The following CACHD1 variants were observed in gnomAD, a reference collection of about 807,000 sequenced individuals.
CACHD1 encodes VWFA and cache domain-containing protein 1.
A neutral mutation model predicts 138.7 loss-of-function variants in CACHD1; 71 were observed. The ratio of observed to expected loss-of-function variants is 0.51; its 90% CI spans 0.42 to 0.62. The LOEUF (loss-of-function observed/expected upper bound fraction) is 0.62. Ranked by LOEUF, CACHD1 falls within the 20% of genes least tolerant of loss-of-function variation. The probability of loss-of-function intolerance (pLI) is 0.00; values close to 1 mark genes in which losing one functional copy is unlikely to be tolerated. For missense variants in CACHD1, 1,389 were observed against 1,625.3 expected (o/e 0.85, Z 2.50); for synonymous variants, 578 against 591.5 (o/e 0.98, Z 0.33).
chr1:64,643,896 G>A (rs1648819590), intron 8 of CACHD1, among the ~76,000 whole-genome samples: 1 of 152,242 alleles, frequency 6.6e-6, no homozygotes, highest in Admixed American at 6.5e-5. Flanking sequence ...TCCTGTCTCA[G>A]ACAGTATAGC....
In CACHD1 at chr1:64,681,541, G is replaced by GTTTTTTTTTTTT. The variant is rs57993424; in HGVS notation, c.3484+218_3484+229dup. Among the ~76,000 whole-genome samples, 124 of 68,086 alleles carry GTTTTTTTTTTTT rather than the reference G, an allele frequency of 1.8e-3. 3 individuals carry two copies. The highest frequency in any genetic ancestry group is 3.1e-3 in the South Asian group (5 of 1,588). 44.7% of individuals were successfully genotyped at this position (68,086 alleles called of 152,430 possible). A position where few individuals can be genotyped will look rare whatever the true frequency, so the allele number is the denominator to read the frequency against. ...AGAGAATCTCAAAAGATTTTATTGT[G>GTTTTTTTTTTTT]TTTTTTTTTTTTTTTTTTTTTTTGC... On this transcript the variant is annotated intron_variant, in intron 25 of 26. Transcript: ENST00000651257.
intron 4 of CACHD1, among the ~76,000 whole-genome samples, chr1:64,604,602 A>G (rs1277287382): frequency 2.6e-5 from 4 of 152,232 alleles, no homozygotes; most frequent in Non-Finnish European, 4.4e-5. Context: ...ACATACTGTA[A>G]TCCAACATTG....
intron 12 of CACHD1, among the ~76,000 whole-genome samples, chr1:64,657,857 TCA>T (rs1649317871): frequency 6.6e-6 from 1 of 152,240 alleles, no homozygotes; most frequent in Admixed American, 6.5e-5. Flanking sequence ...TTAAATAGGT[TCA>T]GTCTTTCTTC....
chr1:64,601,488 G>A lies in CACHD1; in HGVS notation c.411-1318G>A, dbSNP rs148308366. Among the ~76,000 whole-genome samples the A allele has an allele frequency of 8.6e-3, 1,316 of 152,304 alleles. 6 individuals are homozygous for A. Among genetic ancestry groups the A allele is most frequent in the Middle Eastern group, 0.02 (6 of 294 alleles). ...CCTTTGAGGCACAGTTGACATTGTC[G>A]GTGTAACTCTGCACTAGGTTAGAGC... On this transcript the variant is annotated intron_variant, in intron 3 of 26. Transcript: ENST00000651257.
At chr1:64,642,102 T>C in intron 8 of CACHD1, 133 bp downstream of exon 8, 1 of 672,688 alleles carries the variant, frequency 1.5e-6, no homozygotes. Context: ...GGCGGCTCTT[T>C]CTCTACCTGA....
intron 3 of CACHD1, among the ~76,000 whole-genome samples, chr1:64,599,032 T>C (rs1647188522): frequency 6.6e-6 from 1 of 151,470 alleles, no homozygotes; most frequent in South Asian, 2.1e-4. Context: ...ACAAAAGAGG[T>C]CTCAGAGAGC....
chr1:64,554,196 AT>A (rs1646780281), intron 2 of CACHD1, among the ~76,000 whole-genome samples: 1 of 152,170 alleles, frequency 6.6e-6, no homozygotes, highest in African/African-American at 2.4e-5. Flanking sequence ...AATCTGGCTA[AT>A]TTTTAAAATT....
At chr1:64,599,802 A>G (rs1647195673) in intron 3 of CACHD1, among the ~76,000 whole-genome samples, 1 of 152,134 alleles carries the variant, frequency 6.6e-6, no homozygotes, top group African/African-American at 2.4e-5. Context: ...ACAAAGGTCC[A>G]GAAAAATCTA....
chr1:64,630,401 A>G (rs1412291451), intron 5 of CACHD1, among the ~76,000 whole-genome samples: 1 of 151,858 alleles, frequency 6.6e-6, no homozygotes, highest in Non-Finnish European at 1.5e-5. Context: ...CCCGGGTTCA[A>G]GCGATTCTCC....
At chr1:64,526,054 C>T (rs1646536158) in intron 1 of CACHD1, among the ~76,000 whole-genome samples, 1 of 152,184 alleles carries the variant, frequency 6.6e-6, no homozygotes. Flanking sequence ...TGAACCGTGT[C>T]AGCTTCCTGG....
intron 22 of CACHD1, 62 bp downstream of exon 22, chr1:64,677,073 G>T (rs977928023): frequency 2.3e-6 from 3 of 1,320,270 alleles, no homozygotes; most frequent in South Asian, 1.2e-5. Context: ...CCTACTCTTC[G>T]TGTTTTAAAA....
At chr1:64,678,333 C>T (rs755219498) in intron 23 of CACHD1, 23 bp downstream of exon 23, 1 of 1,528,110 alleles carries the variant, frequency 6.5e-7, no homozygotes, top group African/African-American at 1.4e-5. Flanking sequence ...GATGCCCCAA[C>T]AATTTGATTC....
intron 2 of CACHD1, among the ~76,000 whole-genome samples, chr1:64,580,779 C>G (rs1647006076): frequency 6.6e-6 from 1 of 152,136 alleles, no homozygotes; most frequent in South Asian, 2.1e-4. Context: ...CTCTATCTAT[C>G]TACTTTGCAG....
Position 64,691,818 on chromosome 1 carries a change from A to C in CACHD1, c.*257A>C. ...GATGAACAGACCTGCCATAACACTAATGGAAGGTAACAGAAGGCGAACCTC... is the reference window on the plus strand; with the variant it reads ...GATGAACAGACCTGCCATAACACTACTGGAAGGTAACAGAAGGCGAACCTC... On this transcript the variant is annotated 3_prime_UTR_variant, in exon 27 of 27. Transcript: ENST00000651257. 1 of 471,102 alleles carries C rather than the reference A, an allele frequency of 2.1e-6. No individual in the cohort carries two copies. 29.2% of individuals were successfully genotyped at this position (471,102 alleles called of 1,614,324 possible).
At chr1:64,660,520 C>CT (rs1043677195) in intron 13 of CACHD1, among the ~76,000 whole-genome samples, 94 of 143,360 alleles carry the variant, frequency 6.6e-4, no homozygotes, top group Middle Eastern at 3.6e-3. Context: ...TTTTGCTTTG[C>CT]TTTTTTTTTT....
intron 8 of CACHD1, among the ~76,000 whole-genome samples, chr1:64,646,730 A>G (rs915187485): frequency 2.9e-4 from 44 of 152,084 alleles, no homozygotes; most frequent in African/African-American, 1.0e-3. Flanking sequence ...AAACTGTCTC[A>G]AAAAAAGGTG....
Position 64,486,100 on chromosome 1 carries a change from T to C in CACHD1, c.198+15158T>C, listed in dbSNP as rs143847185. ...TATCTCATTGTTGTTTTAGTGAATA[T>C]TTCTCTAATGAACAATGATGCTGAG... On this transcript the variant is annotated intron_variant, in intron 1 of 26. Coordinates refer to ENST00000651257, the MANE Select transcript of CACHD1 (RefSeq NM_020925.4). 5.6e-3 allele frequency among the ~76,000 whole-genome samples: 851 copies of C among 152,314 alleles called. 13 individuals are homozygous for C. Among genetic ancestry groups the C allele is most frequent in the African/African-American group, 0.02 (823 of 41,554 alleles).
intron 3 of CACHD1, among the ~76,000 whole-genome samples, chr1:64,586,167 G>A (rs1047763999): frequency 7.2e-5 from 11 of 152,110 alleles, no homozygotes; most frequent in African/African-American, 1.7e-4. Context: ...AGGCTCAAGC[G>A]CTTCTCACGC....
intron 1 of CACHD1, among the ~76,000 whole-genome samples, chr1:64,471,766 T>C (rs1646146795): frequency 6.6e-6 from 1 of 152,200 alleles, no homozygotes; most frequent in African/African-American, 2.4e-5. Flanking sequence ...GTTTATCATG[T>C]CCGTCCTCCT....
Sources: gnomAD v4.1 joint callset for allele counts (sites outside exome capture counted in the v4.1 genomes callset) on GRCh38, gnomAD v4.1.1 for gene constraint, MANE v1.5 for transcripts, NCBI Gene and HGNC (gene_info 2026-07-23, HGNC 2026-07-21) for gene names.